The following KCTD7 variants were observed in gnomAD, a reference collection of about 807,000 sequenced individuals.
KCTD7 encodes the protein BTB/POZ domain-containing protein KCTD7.
KCTD7 carries 15 observed loss-of-function variants against 27.0 expected under a neutral mutation model. The ratio of observed to expected loss-of-function variants is 0.56; its 90% CI spans 0.37 to 0.86. The LOEUF is 0.86. KCTD7 is among the 40% of genes least tolerant of loss of function. The probability of loss-of-function intolerance (pLI) is 0.00; values close to 1 mark genes in which losing one functional copy is unlikely to be tolerated. For missense variants in KCTD7, 299 were observed against 398.9 expected (o/e 0.75, Z 2.13); for synonymous variants, 159 against 162.7 (o/e 0.98, Z 0.17).
rs886062414 is a variant in KCTD7, at chr7:66,639,287, C to T, written c.*55C>T. On this transcript the variant is annotated 3_prime_UTR_variant, in exon 4 of 4. Coordinates refer to ENST00000639828, the MANE Select transcript of KCTD7 (RefSeq NM_153033.5). ...GGAGGATGTCCACCTTGCTTGGTGG[C>T]TCTGGGAGTAAGATCCCTGAAGGGG... 3 of 1,600,506 alleles carry T rather than the reference C, an allele frequency of 1.9e-6. No individual in the cohort carries two copies. The highest frequency in any genetic ancestry group is 2.5e-6 in the Non-Finnish European group (3 of 1,179,864).
Position 66,640,663 on chromosome 7 carries a change from A to C in KCTD7, c.*1431A>C. ...CAGGAACATGTCTGTAGTCCCAGCT[A>C]CTTGGGCACACGCCTGTAGTCCAGG... On this transcript the variant is annotated 3_prime_UTR_variant, in exon 4 of 4. Coordinates refer to ENST00000639828, the MANE Select transcript of KCTD7 (RefSeq NM_153033.5). 1.5e-6 allele frequency: 2 copies of C among 1,311,616 alleles called. No homozygotes were observed. Among genetic ancestry groups the C allele is most frequent in the Non-Finnish European group, 1.9e-6 (2 of 1,029,070 alleles). 81.2% of individuals were successfully genotyped at this position (1,311,616 alleles called of 1,614,324 possible).
chr7:66,629,725 G>A (rs1584393435), intron 1 of KCTD7, among the ~76,000 whole-genome samples: 1 of 152,252 alleles, frequency 6.6e-6, no homozygotes, highest in African/African-American at 2.4e-5. Context: ...AAAAAGAAAA[G>A]AAAAAGATGT....
chr7:66,641,209 T>G lies in KCTD7; in HGVS notation c.*1977T>G. On this transcript the variant is annotated 3_prime_UTR_variant, in exon 4 of 4. Transcript: ENST00000639828. ...GGAGCTGATGTCCCTGCTTGGAGGT[T>G]AGCCCCAAAACATGGCTCTTGTATT... 1.0e-6 allele frequency: 1 copy of G among 985,464 alleles called. No individual in the cohort carries two copies. Among genetic ancestry groups the G allele is most frequent in the Non-Finnish European group, 1.2e-6 (1 of 829,956 alleles). 61.0% of individuals were successfully genotyped at this position (985,464 alleles called of 1,614,324 possible). A position where few individuals can be genotyped will look rare whatever the true frequency, so the allele number is the denominator to read the frequency against.
At chr7:66,630,302 G>A (rs76436939) in intron 1 of KCTD7, among the ~76,000 whole-genome samples, 216 of 152,186 alleles carry the variant, frequency 1.4e-3, no homozygotes, top group Non-Finnish European at 2.3e-3. Context: ...CAAGAGAAGG[G>A]AAACGATGCC....
At chr7:66,635,084 C>T (rs1249540807) in intron 2 of KCTD7, among the ~76,000 whole-genome samples, 2 of 150,258 alleles carry the variant, frequency 1.3e-5, no homozygotes, top group Non-Finnish European at 2.9e-5. Context: ...GCAAGCACAG[C>T]TCACTACAGC....
In KCTD7 at chr7:66,640,560, C is replaced by G; in HGVS notation, c.*1328C>G. The stretch of plus-strand genomic sequence containing the variant: ...TCCATGCTGCATTAAGGGTGTCTCT[C>G]TCTAATCATGATTGTACCTGTCTCT... On this transcript the variant is annotated 3_prime_UTR_variant, in exon 4 of 4. Transcript: ENST00000639828. 3 of 1,447,184 alleles carry G rather than the reference C, an allele frequency of 2.1e-6. No homozygotes were observed. Among genetic ancestry groups the G allele is most frequent in the South Asian group, 1.5e-5 (1 of 67,416 alleles). 89.6% of individuals were successfully genotyped at this position (1,447,184 alleles called of 1,614,324 possible). A position where few individuals can be genotyped will look rare whatever the true frequency, so the allele number is the denominator to read the frequency against.
At position 66,633,338 on chromosome 7, in the gene KCTD7, C is replaced by G; in HGVS notation, c.208C>G (p.Arg70Gly). The change falls in exon 2 of 4, where the codon CGG (arginine) becomes GGG (glycine). Residue 70 changes from arginine (R) to glycine (G), a missense_variant. Transcript: ENST00000639828. ...CTTCACTACACGCCTGTCCACACTG[C>G]GGTGCTACGAAGACACCATGTTGGC... ...AHFTTRLSTL[R>G]CYEDTMLAAM... The G allele has an allele frequency of 6.2e-7, 1 of 1,613,850 alleles. No individual in the cohort carries two copies. The highest frequency in any genetic ancestry group is 1.3e-5 in the African/African-American group (1 of 75,016).
Position 66,639,963 on chromosome 7 carries a change from T to C in KCTD7, c.*731T>C. The C allele has an allele frequency of 8.0e-7, 1 of 1,250,724 alleles. No individual in the cohort carries two copies. The highest frequency in any genetic ancestry group is 1.0e-6 in the Non-Finnish European group (1 of 999,960). 77.5% of individuals were successfully genotyped at this position (1,250,724 alleles called of 1,614,324 possible). A position where few individuals can be genotyped will look rare whatever the true frequency, so the allele number is the denominator to read the frequency against. On this transcript the variant is annotated 3_prime_UTR_variant, in exon 4 of 4. Coordinates refer to ENST00000639828, the MANE Select transcript of KCTD7 (RefSeq NM_153033.5). ...TCCACCACCTTCCTTGCTTGCAGGG[T>C]TATCTTCTCACAGGGCTGGAATGCA...
intron 3 of KCTD7, 73 bp from the exon 4 acceptor site, chr7:66,638,783 G>A: frequency 6.3e-7 from 1 of 1,579,618 alleles, no homozygotes; most frequent in Non-Finnish European, 8.7e-7. Flanking sequence ...CTTCAGGACT[G>A]TTTCTCTGTG....
intron 2 of KCTD7, among the ~76,000 whole-genome samples, chr7:66,636,827 T>C (rs1025501023): frequency 1.6e-4 from 24 of 152,190 alleles, no homozygotes; most frequent in Admixed American, 9.2e-4. Context: ...GAATTTTTAT[T>C]TTAAGAAAAT....
downstream of KCTD7, chr7:66,643,057 T>A (rs768325782): frequency 1.4e-4 from 135 of 985,348 alleles, no homozygotes; most frequent in Non-Finnish European, 1.1e-4. Context: ...ACCTGGGTGC[T>A]GTGCCTTTCT....
chr7:66,637,316 G>A (rs1786610567), intron 2 of KCTD7, among the ~76,000 whole-genome samples: 2 of 152,104 alleles, frequency 1.3e-5, no homozygotes, highest in African/African-American at 4.8e-5. Context: ...AAACTCCTGA[G>A]CTCAGATGAT....
In KCTD7 at chr7:66,640,637, C is replaced by G; in HGVS notation, c.*1405C>G. The G allele has an allele frequency of 7.3e-7, 1 of 1,364,758 alleles. No homozygotes were observed. Among genetic ancestry groups the G allele is most frequent in the Non-Finnish European group, 9.4e-7 (1 of 1,060,500 alleles). The allele number at this position is 1,364,758 out of a possible 1,614,324, so 84.5% of individuals were successfully genotyped here. The stretch of plus-strand genomic sequence containing the variant: ...TTAATGTGTAAAGAATTGATGCGAG[C>G]CAGGAACATGTCTGTAGTCCCAGCT... On this transcript the variant is annotated 3_prime_UTR_variant, in exon 4 of 4. Coordinates refer to ENST00000639828, the MANE Select transcript of KCTD7 (RefSeq NM_153033.5).
chr7:66,642,844 G>A lies in KCTD7; in HGVS notation c.*3612G>A, dbSNP rs35633983. 4,232 of 985,388 alleles carry A rather than the reference G, an allele frequency of 4.3e-3. 11 individuals carry two copies. The highest frequency in any genetic ancestry group is 6.0e-3 in the Admixed American group (98 of 16,266). The allele number at this position is 985,388 out of a possible 1,614,324, so 61.0% of individuals were successfully genotyped here. On this transcript the variant is annotated 3_prime_UTR_variant, in exon 4 of 4. Coordinates refer to ENST00000639828, the MANE Select transcript of KCTD7 (RefSeq NM_153033.5). ...GGATGGGGGTTGGCAGGGGTTGAGGGAGGTGGGAACAAACAGTGAGTATGG... is the reference window on the plus strand; with the variant it reads ...GGATGGGGGTTGGCAGGGGTTGAGGAAGGTGGGAACAAACAGTGAGTATGG...
chr7:66,638,780 A>G, intron 3 of KCTD7, 76 bp from the exon 4 acceptor site: 1 of 1,565,328 alleles, frequency 6.4e-7, no homozygotes. Flanking sequence ...CATCTTCAGG[A>G]CTGTTTCTCT....
chr7:66,642,750 G>A lies in KCTD7; in HGVS notation c.*3518G>A, dbSNP rs1173790713. The A allele has an allele frequency of 2.0e-6, 2 of 985,354 alleles. No individual in the cohort carries two copies. The highest frequency in any genetic ancestry group is 2.4e-6 in the Non-Finnish European group (2 of 829,928). 61.0% of individuals were successfully genotyped at this position (985,354 alleles called of 1,614,324 possible). Reference sequence around the variant, plus strand: ...ATCCAAAGCTGTAGTGTTGGGAACTGGGGTGGGAGAGGCACTTTTTGGAAT... The same window carrying A: ...ATCCAAAGCTGTAGTGTTGGGAACTAGGGTGGGAGAGGCACTTTTTGGAAT... On this transcript the variant is annotated 3_prime_UTR_variant, in exon 4 of 4. Coordinates refer to ENST00000639828, the MANE Select transcript of KCTD7 (RefSeq NM_153033.5).
In KCTD7 at chr7:66,639,924, G is replaced by A. The variant is rs576807474; in HGVS notation, c.*692G>A. The A allele has an allele frequency of 8.8e-6, 11 of 1,245,294 alleles. No homozygotes were observed. Among genetic ancestry groups the A allele is most frequent in the African/African-American group, 7.7e-5 (5 of 64,636 alleles). The allele number at this position is 1,245,294 out of a possible 1,614,324, so 77.1% of individuals were successfully genotyped here. On this transcript the variant is annotated 3_prime_UTR_variant, in exon 4 of 4. Transcript: ENST00000639828. The stretch of plus-strand genomic sequence containing the variant: ...GTTTACAGCCCTGTCTTAGGGCCGC[G>A]GCTTCTCTTATCTTCCACCACCTTC...
Position 66,640,625 on chromosome 7 carries a change from A to C in KCTD7, c.*1393A>C. 7.2e-7 allele frequency: 1 copy of C among 1,380,016 alleles called. No individual in the cohort carries two copies. The highest frequency in any genetic ancestry group is 9.3e-7 in the Non-Finnish European group (1 of 1,070,228). The allele number at this position is 1,380,016 out of a possible 1,614,324, so 85.5% of individuals were successfully genotyped here. A position where few individuals can be genotyped will look rare whatever the true frequency, so the allele number is the denominator to read the frequency against. ...AGATTTTTTTTTTTAATGTGTAAAG[A>C]ATTGATGCGAGCCAGGAACATGTCT... On this transcript the variant is annotated 3_prime_UTR_variant, in exon 4 of 4. Coordinates refer to ENST00000639828, the MANE Select transcript of KCTD7 (RefSeq NM_153033.5).
chr7:66,641,562 C>G lies in KCTD7; in HGVS notation c.*2330C>G. ...TGCTGGGTAAGAACACCGTTCCTCT[C>G]TCTCGCTGGAGAAATCCCTGTTTCT... On this transcript the variant is annotated 3_prime_UTR_variant, in exon 4 of 4. Transcript: ENST00000639828. 1 of 985,466 alleles carries G rather than the reference C, an allele frequency of 1.0e-6. No individual in the cohort carries two copies. The highest frequency in any genetic ancestry group is 1.2e-6 in the Non-Finnish European group (1 of 829,942). 61.0% of individuals were successfully genotyped at this position (985,466 alleles called of 1,614,324 possible).
Sources: allele counts gnomAD v4.1 joint callset (sites outside exome capture counted in the v4.1 genomes callset), GRCh38; gene constraint gnomAD v4.1.1; transcripts MANE v1.5; gene names NCBI Gene and HGNC (gene_info 2026-07-23, HGNC 2026-07-21).